Variants in KIR2DL1 observed in about 807,000 individuals in gnomAD.
KIR2DL1 encodes the protein killer cell immunoglobulin like receptor, two Ig domains and long cytoplasmic tail 1.
KIR2DL1 carries 38 observed loss-of-function variants against 33.9 expected under a neutral mutation model. That is an observed-to-expected ratio of 1.12 (90% CI 0.86 to 1.47). The LOEUF (loss-of-function observed/expected upper bound fraction) is 1.47. KIR2DL1 is among the 40% of genes most tolerant of loss of function. KIR2DL1 has a pLI of 0.00. For missense variants in KIR2DL1, 531 were observed against 433.9 expected, an observed-to-expected ratio of 1.22 and a Z score of -1.99; for synonymous variants, 179 against 165.9, an observed-to-expected ratio of 1.08 and a Z score of -0.61.
rs1232190852 is a variant in KIR2DL1 at position 54,783,912 on chromosome 19, G to A, written c.*99G>A. On this transcript the variant is annotated 3_prime_UTR_variant, in exon 8 of 8. Transcript: ENST00000336077. ...CATGTACCAGCAGCTGGAATCTGAA[G>A]GCGTGAGTCTGCATCTTAGGGCATC... 9 of 1,524,564 alleles carry A rather than the reference G, an allele frequency of 5.9e-6. No homozygotes were observed. In the African/African-American group the frequency reaches 9.6e-5, roughly 16 times the overall value. The allele number at this position is 1,524,564 out of a possible 1,614,324, so 94.4% of individuals were successfully genotyped here.
chr19:54,770,924 A>G, intron 2 of KIR2DL1, 40 bp downstream of exon 2: 2 of 1,576,268 alleles, frequency 1.3e-6, no homozygotes, highest in South Asian at 2.2e-5. Context: ...ATCTCCCCAC[A>G]TAAGAGGATT....
chr19:54,780,219 T>A lies in KIR2DL1; in HGVS notation c.715+1557T>A. ...GTGCCCAGCCAGAATTCAAAATCAA[T>A]AATAGATAATGCTGAGTGTATGATT... On this transcript the variant is annotated intron_variant, in intron 5 of 7. Coordinates refer to ENST00000336077, the MANE Select transcript of KIR2DL1 (RefSeq NM_014218.3). 8.3e-6 allele frequency: 4 copies of A among 482,420 alleles called. 1 individual carries two copies. The South Asian group carries it at 1.1e-4, about 13-fold the overall frequency. The allele number at this position is 482,420 out of a possible 1,614,324, so 29.9% of individuals were successfully genotyped here.
chr19:54,776,291 T>G (rs1188624356), intron 4 of KIR2DL1, among the ~76,000 whole-genome samples: 2 of 147,786 alleles, frequency 1.4e-5, no homozygotes, highest in Non-Finnish European at 3.0e-5. Context: ...CTTCCTGTCC[T>G]CCAGTAGCCA....
Position 54,775,420 on chromosome 19 carries a change from G to A in KIR2DL1, c.626G>A (p.Trp209Ter), listed in dbSNP as rs779129516. 3.2e-6 allele frequency: 5 copies of A among 1,584,494 alleles called. No homozygotes were observed. The African/African-American group carries it at 6.8e-5, about 21-fold the overall frequency. ...TCTTTCCATGACTCTCCATACGAGTGGTCAAAGTCAAGTGACCCACTGCTT... is the reference window on the plus strand; with the variant it reads ...TCTTTCCATGACTCTCCATACGAGTAGTCAAAGTCAAGTGACCCACTGCTT... ...FGSFHDSPYE[W>*]SKSSDPLLVS... The change falls in exon 4 of 8, where the codon TGG becomes TAG. Residue 209 changes from tryptophan (W) to a stop codon, truncating the protein, a stop_gained. Coordinates refer to ENST00000336077, the MANE Select transcript of KIR2DL1 (RefSeq NM_014218.3). LOFTEE classifies it high-confidence loss of function.
At chr19:54,781,252 G>C (rs4020186) in intron 5 of KIR2DL1, among the ~76,000 whole-genome samples, 1 of 122,302 alleles carries the variant, frequency 8.2e-6, no homozygotes, top group Non-Finnish European at 1.8e-5. Context: ...TCCAATCATC[G>C]TTTTTCTATT....
intron 4 of KIR2DL1, among the ~76,000 whole-genome samples, chr19:54,777,120 T>G (rs1446093362): frequency 6.8e-6 from 1 of 146,990 alleles, no homozygotes; most frequent in African/African-American, 2.5e-5. Flanking sequence ...GATGGAGTTT[T>G]GCTCTTCTCA....
chr19:54,781,815 G>C (rs2076988897), intron 5 of KIR2DL1, among the ~76,000 whole-genome samples: 1 of 151,970 alleles, frequency 6.6e-6, no homozygotes, highest in Admixed American at 6.6e-5. Context: ...TCTTTCCTTG[G>C]AGAATGCAAG....
intron 1 of KIR2DL1, 52 bp from the exon 2 acceptor site, chr19:54,770,797 G>A: frequency 6.3e-7 from 1 of 1,576,246 alleles, no homozygotes; most frequent in Non-Finnish European, 8.7e-7. Flanking sequence ...GGGCAGCAAG[G>A]GTGCCCTGGT....
At chr19:54,777,138 T>A (rs200500755) in intron 4 of KIR2DL1, among the ~76,000 whole-genome samples, 20,775 of 127,552 alleles carry the variant, frequency 0.16, 854 homozygotes, top group Middle Eastern at 0.2. Context: ...TCACCCAGGC[T>A]GGAGTGCAGT....
In KIR2DL1 at chr19:54,775,392, G is replaced by A. The variant is rs111277046; in HGVS notation, c.598G>A (p.Gly200Ser). The A allele has an allele frequency of 1.1e-3, 1,673 of 1,583,516 alleles. 120 individuals are homozygous for A. In the African/African-American group the frequency reaches 0.02, roughly 19 times the overall value. The stretch of plus-strand genomic sequence containing the variant: ...CCACGGAGGGACCTACAGATGCTTC[G>A]GCTCTTTCCATGACTCTCCATACGA... Reference protein sequence around the residue: ...ATHGGTYRCFGSFHDSPYEWS... With the variant: ...ATHGGTYRCFSSFHDSPYEWS... The change falls in exon 4 of 8, where the codon GGC becomes AGC. Residue 200 changes from glycine to serine, a missense_variant. Gly to Ser is a moderately conservative substitution (Grantham distance 56, BLOSUM62 0). Coordinates refer to ENST00000336077, the MANE Select transcript of KIR2DL1 (RefSeq NM_014218.3).
intron 5 of KIR2DL1, 86 bp from the exon 6 acceptor site, chr19:54,782,836 G>T: frequency 1.4e-6 from 2 of 1,461,842 alleles, no homozygotes; most frequent in Non-Finnish European, 1.9e-6. Context: ...GTTTTATGTG[G>T]TTACCTGTCA....
rs530362128 is a variant in KIR2DL1, at chr19:54,783,828, C to A, written c.*15C>A. On this transcript the variant is annotated 3_prime_UTR_variant, in exon 8 of 8. Coordinates refer to ENST00000336077, the MANE Select transcript of KIR2DL1 (RefSeq NM_014218.3). ...CCTGCCCATGAGCACCACAGTCAGG[C>A]CTTGAGGGCGTCTTCTAGGGAGACA... 22 of 1,613,950 alleles carry A rather than the reference C, an allele frequency of 1.4e-5. No homozygotes were observed. Among genetic ancestry groups the A allele is most frequent in the Admixed American group, 3.3e-5 (2 of 60,014 alleles).
intron 4 of KIR2DL1, 141 bp downstream of exon 4, chr19:54,775,599 A>G: frequency 8.2e-7 from 1 of 1,217,326 alleles, no homozygotes; most frequent in South Asian, 1.4e-5. Context: ...AGGGCACAGG[A>G]TGGCCGACAG....
At chr19:54,780,834 A>G (rs2076856011) in intron 5 of KIR2DL1, among the ~76,000 whole-genome samples, 1 of 125,460 alleles carries the variant, frequency 8.0e-6, no homozygotes, top group Non-Finnish European at 1.7e-5. Context: ...CTGGCAAAGG[A>G]GTGACAGATA....
chr19:54,782,810 C>T, intron 5 of KIR2DL1, 112 bp from the exon 6 acceptor site: 1 of 1,165,188 alleles, frequency 8.6e-7, no homozygotes, highest in Non-Finnish European at 1.3e-6. Context: ...CATCTGGGTG[C>T]TTGTCCTAAA....
intron 3 of KIR2DL1, 89 bp downstream of exon 3, chr19:54,773,721 T>G (rs577711728): frequency 7.4e-7 from 1 of 1,345,204 alleles, no homozygotes; most frequent in African/African-American, 1.5e-5. Context: ...GTAAGGAAGA[T>G]GAGCTTGGTA....
intron 5 of KIR2DL1, among the ~76,000 whole-genome samples, chr19:54,781,802 T>C (rs1317176239): frequency 1.3e-5 from 2 of 152,146 alleles, no homozygotes; most frequent in African/African-American, 4.8e-5. Flanking sequence ...TTCACTTTTG[T>C]TTTCTTTCCT....
At chr19:54,774,577 A>T (rs1241431375) in intron 3 of KIR2DL1, among the ~76,000 whole-genome samples, 6 of 148,004 alleles carry the variant, frequency 4.1e-5, no homozygotes, top group Non-Finnish European at 6.0e-5. Flanking sequence ...ATAGATGATG[A>T]TTGATTGATT....
At chr19:54,782,898 T>C in intron 5 of KIR2DL1, 24 bp from the exon 6 acceptor site, 4 of 1,604,312 alleles carry the variant, frequency 2.5e-6, no homozygotes, top group East Asian at 2.2e-5. Flanking sequence ...ATTAGCTTCT[T>C]ATTGGTGTCT....
Sources: gnomAD v4.1 joint callset for allele counts (sites outside exome capture counted in the v4.1 genomes callset) on GRCh38, gnomAD v4.1.1 for gene constraint, MANE v1.5 for transcripts, NCBI Gene and HGNC (gene_info 2026-07-23, HGNC 2026-07-21) for gene names.